Variants in ADAMTSL1 observed in about 807,000 individuals in gnomAD.
The protein encoded by ADAMTSL1 is ADAMTS like 1, also known as ADAMTS-like protein 1.
Under a neutral mutation model 201.8 loss-of-function variants are expected in ADAMTSL1, and 126 were observed. The observed-to-expected ratio is 0.62, with a 90% CI of 0.54 to 0.72. ADAMTSL1 has a LOEUF of 0.72. ADAMTSL1 is among the 30% of genes least tolerant of loss of function. The pLI, the probability that ADAMTSL1 is intolerant of heterozygous loss-of-function variation, is 0.00. For synonymous variants in ADAMTSL1, 1,121 were observed against 903.4 expected, an observed-to-expected ratio of 1.24 and a Z score of -4.32; for missense variants, 2,679 against 2,277.8, an observed-to-expected ratio of 1.18 and a Z score of -3.59.
At chr9:17,942,721 A>G (rs1353088416) in intron 1 of ADAMTSL1, among the ~76,000 whole-genome samples, 2 of 152,034 alleles carry the variant, frequency 1.3e-5, no homozygotes, top group Non-Finnish European at 2.9e-5. Context: ...ACTGGAAGCC[A>G]CTCACATCTG....
chr9:18,520,886 C>T (rs2132028448), intron 2 of ADAMTSL1, among the ~76,000 whole-genome samples: 1 of 152,268 alleles, frequency 6.6e-6, no homozygotes, highest in South Asian at 2.1e-4. Context: ...GTAGAAAAGG[C>T]AGTGGAAAAC....
chr9:18,784,463 C>G (rs1321203748), intron 19 of ADAMTSL1, among the ~76,000 whole-genome samples: 1 of 152,194 alleles, frequency 6.6e-6, no homozygotes, highest in Non-Finnish European at 1.5e-5. Context: ...AGGCTGCGGT[C>G]TGCAAGGTTT....
intron 13 of ADAMTSL1, among the ~76,000 whole-genome samples, chr9:18,695,747 T>C (rs1831512067): frequency 6.6e-6 from 1 of 152,240 alleles, no homozygotes; most frequent in Non-Finnish European, 1.5e-5. Flanking sequence ...CTCTGCCAGT[T>C]ACCCAGTTCC....
chr9:18,392,391 A>G (rs536071007), intron 2 of ADAMTSL1, among the ~76,000 whole-genome samples: 27 of 152,348 alleles, frequency 1.8e-4, no homozygotes, highest in African/African-American at 5.8e-4. Flanking sequence ...AAAGCTTTCT[A>G]TAGTTCAAAC....
At chr9:18,523,406 A>C (rs991502121) in intron 2 of ADAMTSL1, among the ~76,000 whole-genome samples, 9 of 152,032 alleles carry the variant, frequency 5.9e-5, no homozygotes, top group African/African-American at 1.9e-4. Flanking sequence ...GTTCACTATG[A>C]TGGTAGTTTC....
chr9:18,854,811 A>G (rs1424432871), intron 23 of ADAMTSL1, among the ~76,000 whole-genome samples: 1 of 152,252 alleles, frequency 6.6e-6, no homozygotes, highest in Non-Finnish European at 1.5e-5. Context: ...CATGGACCAT[A>G]TTATGACTAT....
At chr9:18,282,271 C>T (rs748229463) in intron 2 of ADAMTSL1, among the ~76,000 whole-genome samples, 1 of 152,058 alleles carries the variant, frequency 6.6e-6, no homozygotes, top group African/African-American at 2.4e-5. Flanking sequence ...GGATAGTATT[C>T]CATGGTTTCT....
At chr9:18,195,510 T>C (rs1829140901) in intron 2 of ADAMTSL1, among the ~76,000 whole-genome samples, 1 of 152,192 alleles carries the variant, frequency 6.6e-6, no homozygotes, top group South Asian at 2.1e-4. Flanking sequence ...ACAAGTTGTC[T>C]GACTCCACGT....
chr9:18,513,545 G>A (rs1054553162), intron 2 of ADAMTSL1, among the ~76,000 whole-genome samples: 2 of 152,170 alleles, frequency 1.3e-5, no homozygotes, highest in Admixed American at 6.5e-5. Context: ...TGCTTTTGGT[G>A]TTATAGCTGA....
At chr9:18,141,188 C>T (rs1169920732) in intron 1 of ADAMTSL1, among the ~76,000 whole-genome samples, 2 of 152,152 alleles carry the variant, frequency 1.3e-5, no homozygotes, top group Admixed American at 1.3e-4. Context: ...CACGGTTTAC[C>T]TTCTCAACCA....
At chr9:18,374,523 G>T (rs1027849325) in intron 2 of ADAMTSL1, among the ~76,000 whole-genome samples, 1 of 151,914 alleles carries the variant, frequency 6.6e-6, no homozygotes, top group Non-Finnish European at 1.5e-5. Flanking sequence ...TGGAGAGATA[G>T]GTTTTTGCCA....
At chr9:17,973,450 G>T (rs972727103) in intron 1 of ADAMTSL1, among the ~76,000 whole-genome samples, 61 of 131,864 alleles carry the variant, frequency 4.6e-4, no homozygotes, top group African/African-American at 1.5e-3. Context: ...GTTTTTGTCA[G>T]GTTTGTCAAA....
chr9:18,325,454 C>G (rs999850193), intron 2 of ADAMTSL1, among the ~76,000 whole-genome samples: 1 of 152,178 alleles, frequency 6.6e-6, no homozygotes, highest in Non-Finnish European at 1.5e-5. Context: ...GGATGAATCT[C>G]AAACGTTATG....
At chr9:18,743,701 AG>A (rs1818973602) in intron 15 of ADAMTSL1, among the ~76,000 whole-genome samples, 1 of 152,212 alleles carries the variant, frequency 6.6e-6, no homozygotes, top group African/African-American at 2.4e-5. Context: ...TTTGATAGAC[AG>A]CCCCCGATTC....
intron 1 of ADAMTSL1, among the ~76,000 whole-genome samples, chr9:18,002,497 A>G (rs1051012985): frequency 2.0e-5 from 3 of 152,070 alleles, no homozygotes; most frequent in African/African-American, 7.2e-5. Flanking sequence ...TTAATAATGT[A>G]ACTATTATTA....
intron 2 of ADAMTSL1, among the ~76,000 whole-genome samples, chr9:18,314,006 A>T (rs1834254900): frequency 6.6e-6 from 1 of 152,058 alleles, no homozygotes; most frequent in Non-Finnish European, 1.5e-5. Context: ...GACCCAACTA[A>T]AAAAAATGGG....
At chr9:18,490,107 C>T in intron 1 of ADAMTSL1, among the ~76,000 whole-genome samples, 1 of 152,220 alleles carries the variant, frequency 6.6e-6, no homozygotes, top group East Asian at 1.9e-4. Context: ...ACCATCATTC[C>T]TATCTTATGT....
intron 14 of ADAMTSL1, among the ~76,000 whole-genome samples, chr9:18,719,230 C>T (rs1833172894): frequency 6.6e-6 from 1 of 152,138 alleles, no homozygotes; most frequent in Admixed American, 6.5e-5. Flanking sequence ...CCACCCTGAA[C>T]TGGCCATGAT....
At chr9:18,019,511 A>G (rs1303659075) in intron 1 of ADAMTSL1, among the ~76,000 whole-genome samples, 1 of 152,092 alleles carries the variant, frequency 6.6e-6, no homozygotes, top group Non-Finnish European at 1.5e-5. Context: ...AAGGTGTTTA[A>G]AAGATTGAAG....
Sources: allele counts gnomAD v4.1 joint callset (sites outside exome capture counted in the v4.1 genomes callset), GRCh38; gene constraint gnomAD v4.1.1; transcripts MANE v1.5; gene names NCBI Gene and HGNC (gene_info 2026-07-23, HGNC 2026-07-21).